TNIK: variants seen among roughly 807,000 people sequenced by gnomAD.
The protein encoded by TNIK is TRAF2 and NCK-interacting protein kinase.
Under a neutral mutation model 191.3 loss-of-function variants are expected in TNIK, and 49 were observed. The observed-to-expected ratio is 0.26, with a 90% CI of 0.20 to 0.32. TNIK has a LOEUF of 0.32. TNIK is among the 10% of genes least tolerant of loss of function. TNIK has a pLI of 1.00. For missense variants in TNIK, 1,155 were observed against 1,702.3 expected, an observed-to-expected ratio of 0.68 and a Z score of 5.66; for synonymous variants, 594 against 600.9, an observed-to-expected ratio of 0.99 and a Z score of 0.17.
chr3:171,361,016 GAATA>G (rs1347447877), intron 2 of TNIK, among the ~76,000 whole-genome samples: 1 of 152,282 alleles, frequency 6.6e-6, no homozygotes, highest in East Asian at 1.9e-4. Context: ...GGCTGACACT[GAATA>G]AATAAACAAA....
chr3:171,411,456 A>G (rs1722408843), intron 1 of TNIK, among the ~76,000 whole-genome samples: 1 of 152,114 alleles, frequency 6.6e-6, no homozygotes, highest in Non-Finnish European at 1.5e-5. Context: ...ATCATCAAAT[A>G]TATAAATTTA....
rs1449210144 is a variant in TNIK at position 171,058,726 on chromosome 3, T to G, written c.*5155A>C. On this transcript the variant is annotated 3_prime_UTR_variant, in exon 33 of 33. Transcript: ENST00000436636. The stretch of plus-strand genomic sequence containing the variant: ...TGGAGATTTAAAAAATGTAAACAAT[T>G]GTAGGCACAGCAAAATCGTAGTTTT... 6.6e-6 allele frequency among the ~76,000 whole-genome samples: 1 copy of G among 152,198 alleles called. No homozygotes were observed. The highest frequency in any genetic ancestry group is 2.4e-5 in the African/African-American group (1 of 41,458).
At chr3:171,188,520 TAA>T (rs1737644422) in intron 7 of TNIK, among the ~76,000 whole-genome samples, 180 bp downstream of exon 7, 1 of 152,212 alleles carries the variant, frequency 6.6e-6, no homozygotes. Context: ...GGCCATCAGA[TAA>T]GATGGGTGAA....
intron 4 of TNIK, among the ~76,000 whole-genome samples, chr3:171,202,929 C>T (rs768018620): frequency 2.6e-4 from 39 of 152,122 alleles, no homozygotes; most frequent in Non-Finnish European, 4.0e-4. Flanking sequence ...AGACAAGTGA[C>T]GTAGGCTCTG....
rs139937893 is a variant in TNIK at position 171,319,863 on chromosome 3, A to T, written c.123+49757T>A. On this transcript the variant is annotated intron_variant, in intron 2 of 32. Transcript: ENST00000436636. Reference sequence around the variant, plus strand: ...TATTCCAATGTTGCCTTCCAGAAGCATTCATCTGAGAAGACAGGATGTCTT... The same window carrying T: ...TATTCCAATGTTGCCTTCCAGAAGCTTTCATCTGAGAAGACAGGATGTCTT... Among the ~76,000 whole-genome samples, 419 of 152,278 alleles carry T rather than the reference A, an allele frequency of 2.8e-3. 4 individuals are homozygous for T. The highest frequency in any genetic ancestry group is 9.2e-3 in the African/African-American group (382 of 41,564).
intron 1 of TNIK, among the ~76,000 whole-genome samples, chr3:171,372,736 A>G (rs1455293419): frequency 1.3e-5 from 2 of 152,080 alleles, no homozygotes; most frequent in Non-Finnish European, 2.9e-5. Flanking sequence ...AGCTACCTAC[A>G]CTCCCAGAAG....
chr3:171,211,353 T>C, intron 3 of TNIK, 112 bp from the exon 4 acceptor site: 1 of 1,243,990 alleles, frequency 8.0e-7, no homozygotes, highest in South Asian at 1.6e-5. Flanking sequence ...TGTTGACAAA[T>C]GAGCATAATT....
At chr3:171,371,980 G>C (rs1180879345) in intron 1 of TNIK, among the ~76,000 whole-genome samples, 1 of 152,024 alleles carries the variant, frequency 6.6e-6, no homozygotes, top group African/African-American at 2.4e-5. Flanking sequence ...ACAGTGATGA[G>C]TGGCTGCCTC....
At chr3:171,326,029 G>T (rs1158809733) in intron 2 of TNIK, among the ~76,000 whole-genome samples, 1 of 152,100 alleles carries the variant, frequency 6.6e-6, no homozygotes, top group Non-Finnish European at 1.5e-5. Flanking sequence ...GTTCAAATTT[G>T]TTTAGAAGTG....
intron 28 of TNIK, 50 bp from the exon 29 acceptor site, chr3:171,071,373 C>A: frequency 7.8e-7 from 1 of 1,281,072 alleles, no homozygotes; most frequent in Non-Finnish European, 1.1e-6. Context: ...TACTCAAGTT[C>A]TTTGTATTAA....
chr3:171,126,241 A>T, intron 16 of TNIK, 90 bp from the exon 17 acceptor site: 1 of 1,367,520 alleles, frequency 7.3e-7, no homozygotes, highest in Non-Finnish European at 9.6e-7. Flanking sequence ...AAAAAAAAAA[A>T]GTTCAAGGGC....
At chr3:171,089,418 CA>C (rs1389008498) in intron 23 of TNIK, among the ~76,000 whole-genome samples, 1 of 152,148 alleles carries the variant, frequency 6.6e-6, no homozygotes, top group African/African-American at 2.4e-5. Flanking sequence ...ACATTTTCCC[CA>C]AACCTCTCTT....
At chr3:171,215,290 T>A (rs1174164196) in intron 3 of TNIK, among the ~76,000 whole-genome samples, 3 of 152,168 alleles carry the variant, frequency 2.0e-5, no homozygotes, top group Admixed American at 6.5e-5. Context: ...GATGGCAACA[T>A]GATTGTCATC....
intron 1 of TNIK, 115 bp downstream of exon 1, chr3:171,459,892 C>G: frequency 7.7e-7 from 1 of 1,305,464 alleles, no homozygotes; most frequent in East Asian, 2.5e-5. Context: ...GTTCCCTCCC[C>G]GACGCATTCT....
At chr3:171,361,727 G>A (rs773794774) in intron 2 of TNIK, among the ~76,000 whole-genome samples, 35 of 152,180 alleles carry the variant, frequency 2.3e-4, no homozygotes, top group Non-Finnish European at 4.0e-4. Context: ...AAGATAACAG[G>A]AATCTGCCAC....
rs566686109 is a variant in TNIK, at chr3:171,206,684, T to C, written c.306+4432A>G. ...TGCAATCTGGTCCTGCATCATCCACTAATGAGTTTTGAGGCCCGGGGAAAG... is the reference window on the plus strand; with the variant it reads ...TGCAATCTGGTCCTGCATCATCCACCAATGAGTTTTGAGGCCCGGGGAAAG... On this transcript the variant is annotated intron_variant, in intron 4 of 32. Transcript: ENST00000436636. 3.3e-5 allele frequency among the ~76,000 whole-genome samples: 5 copies of C among 152,114 alleles called. No individual in the cohort carries two copies. In the South Asian group the frequency reaches 1.0e-3, roughly 32 times the overall value.
intron 12 of TNIK, 137 bp downstream of exon 12, chr3:171,157,323 A>C (rs1733319795): frequency 3.7e-6 from 4 of 1,078,390 alleles, no homozygotes. Flanking sequence ...TTCAGGACTT[A>C]TCTGCCCTTG....
intron 2 of TNIK, among the ~76,000 whole-genome samples, chr3:171,333,988 T>TG (rs1196755645): frequency 6.6e-6 from 1 of 152,158 alleles, no homozygotes; most frequent in Non-Finnish European, 1.5e-5. Flanking sequence ...CAAGTACCAG[T>TG]GCCTTGTTTC....
intron 1 of TNIK, among the ~76,000 whole-genome samples, chr3:171,378,319 A>C (rs1356860399): frequency 1.3e-5 from 2 of 152,192 alleles, no homozygotes; most frequent in Non-Finnish European, 2.9e-5. Context: ...ATCGAATCCC[A>C]GCTTCACCAT....
Sources: allele counts gnomAD v4.1 joint callset (sites outside exome capture counted in the v4.1 genomes callset), GRCh38; gene constraint gnomAD v4.1.1; transcripts MANE v1.5; gene names NCBI Gene and HGNC (gene_info 2026-07-23, HGNC 2026-07-21).